The following PKHD1 variants were observed in gnomAD, a reference collection of about 807,000 sequenced individuals.
PKHD1 encodes PKHD1 ciliary IPT domain containing fibrocystin/polyductin.
PKHD1 carries 291 observed loss-of-function variants against 412.0 expected under a neutral mutation model. The observed-to-expected ratio is 0.71, with a 90% CI of 0.64 to 0.78. The LOEUF (loss-of-function observed/expected upper bound fraction) is 0.78. Among genes scored for constraint, PKHD1 ranks in the 30% least tolerant of loss-of-function variants. The pLI, the probability that PKHD1 is intolerant of heterozygous loss-of-function variation, is 0.00. For synonymous variants in PKHD1, 1,777 were observed against 1,821.5 expected (o/e 0.98, Z 0.62); for missense variants, 4,825 against 4,950.7 (o/e 0.97, Z 0.76).
Position 51,638,852 on chromosome 6 carries a change from G to A in PKHD1, c.11503C>T (p.Pro3835Ser). 6.4e-7 allele frequency: 1 copy of A among 1,574,140 alleles called. No individual in the cohort carries two copies. The highest frequency in any genetic ancestry group is 1.7e-5 in the Admixed American group (1 of 59,830). Residue 3835 changes from proline (P) to serine (S), a missense_variant, in exon 64 of 67, where the codon CCA becomes TCA. Transcript: ENST00000371117. ...WHFIFTVTSP[P>S]GVNFTARSKP... ...AAAGCACACTGTATAAAATTACCTG[G>A]AGGAGAAGTGACAGTAAAAATAAAG...
intron 16 of PKHD1, among the ~76,000 whole-genome samples, chr6:52,057,662 G>A (rs192274201): frequency 2.0e-3 from 311 of 152,240 alleles, no homozygotes; most frequent in African/African-American, 6.9e-3. Flanking sequence ...TGATCAGCCC[G>A]CCTTGGCCTC....
At chr6:51,736,949 C>G (rs969878300) in intron 60 of PKHD1, among the ~76,000 whole-genome samples, 1 of 152,224 alleles carries the variant, frequency 6.6e-6, no homozygotes, top group South Asian at 2.1e-4. Flanking sequence ...AATACCTGAG[C>G]TTTCCCCATT....
At chr6:51,940,851 T>C (rs1337786832) in intron 36 of PKHD1, among the ~76,000 whole-genome samples, 3 of 151,478 alleles carry the variant, frequency 2.0e-5, no homozygotes, top group African/African-American at 7.3e-5. Flanking sequence ...TCTAAACCTC[T>C]TAAAACTCCC....
intron 53 of PKHD1, among the ~76,000 whole-genome samples, chr6:51,789,094 A>G (rs1018567041): frequency 6.6e-6 from 1 of 152,190 alleles, no homozygotes; most frequent in African/African-American, 2.4e-5. Context: ...CCTGGCTTTC[A>G]GAGGAATTAA....
chr6:51,777,055 T>C (rs1214633335), intron 53 of PKHD1, among the ~76,000 whole-genome samples: 1 of 152,024 alleles, frequency 6.6e-6, no homozygotes, highest in Non-Finnish European at 1.5e-5. Context: ...AAAATTATAT[T>C]CCAAATCAGA....
intron 57 of PKHD1, among the ~76,000 whole-genome samples, chr6:51,750,371 G>A (rs1482320412): frequency 6.6e-6 from 1 of 152,116 alleles, no homozygotes; most frequent in African/African-American, 2.4e-5. Context: ...AACACCAAAT[G>A]CAAGCATAAG....
intron 43 of PKHD1, among the ~76,000 whole-genome samples, chr6:51,903,260 A>G (rs1417131890): frequency 1.3e-5 from 2 of 152,226 alleles, no homozygotes; most frequent in Non-Finnish European, 2.9e-5. Flanking sequence ...TAAACATTTC[A>G]TACCACACCA....
At chr6:51,871,030 G>A (rs910974936) in intron 46 of PKHD1, among the ~76,000 whole-genome samples, 1 of 152,152 alleles carries the variant, frequency 6.6e-6, no homozygotes, top group Non-Finnish European at 1.5e-5. Flanking sequence ...AGTGACAATA[G>A]TAAGTGCTGA....
chr6:51,866,921 T>C (rs1313962371), intron 48 of PKHD1, among the ~76,000 whole-genome samples: 1 of 152,154 alleles, frequency 6.6e-6, no homozygotes, highest in Non-Finnish European at 1.5e-5. Context: ...GAATAATGAA[T>C]GTCTAGAAAG....
chr6:51,745,657 T>C (rs987442087), intron 59 of PKHD1, among the ~76,000 whole-genome samples: 4 of 152,152 alleles, frequency 2.6e-5, no homozygotes, highest in East Asian at 1.9e-4. Flanking sequence ...TTAGCCATGA[T>C]TGTGCCACTG....
intron 37 of PKHD1, among the ~76,000 whole-genome samples, chr6:51,929,398 C>A (rs942178112): frequency 1.3e-5 from 2 of 152,110 alleles, no homozygotes; most frequent in East Asian, 1.9e-4. Flanking sequence ...ACTTTGAACA[C>A]AAATATATAA....
chr6:51,803,850 G>A (rs774786853), intron 52 of PKHD1, among the ~76,000 whole-genome samples: 2 of 151,208 alleles, frequency 1.3e-5, no homozygotes, highest in South Asian at 2.1e-4. Flanking sequence ...GGGATTACAG[G>A]TGCCCATCAC....
chr6:51,934,243 G>A lies in PKHD1; in HGVS notation c.5988C>T (p.Leu1996=). 6.2e-7 allele frequency: 1 copy of A among 1,613,818 alleles called. No homozygotes were observed. Among genetic ancestry groups the A allele is most frequent in the South Asian group, 1.1e-5 (1 of 91,072 alleles). Residue 1996 remains leucine, a synonymous_variant, in exon 37 of 67, where the codon CTC becomes CTT. Coordinates refer to ENST00000371117, the MANE Select transcript of PKHD1 (RefSeq NM_138694.4). ...AGGGCTTGTCTTCGGATCCAATCCG[G>A]AGCTCTCCACCATCAGAAACAAGGA... The part of the protein sequence containing the change: ...HAILVSDGGE[L]RIGSEDKPFQ...
chr6:51,958,440 A>G (rs1791489513), intron 36 of PKHD1, among the ~76,000 whole-genome samples: 1 of 152,118 alleles, frequency 6.6e-6, no homozygotes, highest in Non-Finnish European at 1.5e-5. Context: ...AATGAATGTT[A>G]TACTTATCCT....
chr6:51,955,675 A>G (rs1583552849), intron 36 of PKHD1, among the ~76,000 whole-genome samples: 2 of 152,202 alleles, frequency 1.3e-5, no homozygotes, highest in Non-Finnish European at 1.5e-5. Flanking sequence ...TAGGTGATCT[A>G]GTTTCACTGT....
At chr6:51,826,462 AC>A (rs1767341231) in intron 52 of PKHD1, among the ~76,000 whole-genome samples, 1 of 152,178 alleles carries the variant, frequency 6.6e-6, no homozygotes, top group African/African-American at 2.4e-5. Flanking sequence ...GAGGCATCTT[AC>A]ACAAATCCAC....
At chr6:51,962,726 G>T (rs1792249703) in intron 35 of PKHD1, among the ~76,000 whole-genome samples, 1 of 152,048 alleles carries the variant, frequency 6.6e-6, no homozygotes, top group Non-Finnish European at 1.5e-5. Flanking sequence ...TTTCCCAAAA[G>T]ATCTGCATGG....
chr6:52,065,186 GAGAGAGAGAGAC>G (rs1205192280), intron 12 of PKHD1, 136 bp from the exon 13 acceptor site: 2 of 174,642 alleles, frequency 1.1e-5, no homozygotes, highest in African/African-American at 5.2e-5. Context: ...GAGAGAGAGA[GAGAGAGAGAGAC>G]AGAGAGAGAG....
chr6:52,000,948 A>G (rs1798300748), intron 35 of PKHD1, among the ~76,000 whole-genome samples: 1 of 152,190 alleles, frequency 6.6e-6, no homozygotes, highest in Non-Finnish European at 1.5e-5. Flanking sequence ...CATTCAGGCT[A>G]ATTTCCTGAA....
Sources: gnomAD v4.1 joint callset for allele counts (sites outside exome capture counted in the v4.1 genomes callset) on GRCh38, gnomAD v4.1.1 for gene constraint, MANE v1.5 for transcripts, NCBI Gene and HGNC (gene_info 2026-07-23, HGNC 2026-07-21) for gene names.